CDH13: variants seen among roughly 807,000 people sequenced by gnomAD.
CDH13 encodes cadherin-13.
CDH13 carries 24 observed loss-of-function variants against 63.8 expected under a neutral mutation model. That is an observed-to-expected ratio of 0.38 (90% CI 0.27 to 0.53). The LOEUF is 0.53. Among genes scored for constraint, CDH13 ranks in the 20% least tolerant of loss-of-function variants. CDH13 has a pLI of 0.85. For missense variants in CDH13, 1,049 were observed against 903.1 expected, an observed-to-expected ratio of 1.16 and a Z score of -2.07; for synonymous variants, 503 against 355.3, an observed-to-expected ratio of 1.42 and a Z score of -4.67.
At chr16:82,855,390 T>C (rs540066253) in intron 1 of CDH13, among the ~76,000 whole-genome samples, 2 of 152,210 alleles carry the variant, frequency 1.3e-5, no homozygotes, top group Non-Finnish European at 2.9e-5. Flanking sequence ...CCTTCTTTAC[T>C]TCCTACAGGA....
At chr16:82,990,046 C>G (rs1911463622) in intron 2 of CDH13, 1 of 152,128 alleles carries the variant, frequency 6.6e-6, no homozygotes, top group Non-Finnish European at 1.5e-5. Context: ...TTCAGCCCTG[C>G]AGTGAACTAT....
intron 4 of CDH13, among the ~76,000 whole-genome samples, chr16:83,144,837 C>T (rs551082464): frequency 2.6e-5 from 4 of 152,314 alleles, no homozygotes; most frequent in East Asian, 3.9e-4. Context: ...TTTGCAAAAG[C>T]GTTCATGGAA....
intron 7 of CDH13, among the ~76,000 whole-genome samples, chr16:83,560,856 T>C (rs1010197329): frequency 8.6e-5 from 13 of 151,178 alleles, no homozygotes; most frequent in African/African-American, 2.9e-4. Context: ...TCTGGCCCAG[T>C]AAGCCATGGT....
At chr16:83,602,081 TCAAAAAAAAAAAAAAAGAACAA>T (rs1907853319) in intron 7 of CDH13, among the ~76,000 whole-genome samples, 1 of 7,860 alleles carries the variant, frequency 1.3e-4, no homozygotes, top group South Asian at 0.01. Context: ...AGACTCTGTC[TCAAAAAAAAAAAAAAAGAACAA>T]CAACAAAAAA....
intron 5 of CDH13, among the ~76,000 whole-genome samples, chr16:83,290,165 G>C (rs2089431324): frequency 6.6e-6 from 1 of 152,120 alleles, no homozygotes; most frequent in South Asian, 2.1e-4. Flanking sequence ...TCTCCTCCTT[G>C]CTGCTGTGCA....
intron 5 of CDH13, among the ~76,000 whole-genome samples, chr16:83,272,982 T>C (rs1366574881): frequency 6.6e-6 from 1 of 151,678 alleles, no homozygotes; most frequent in Admixed American, 6.6e-5. Context: ...CACAATCTGC[T>C]CAGATAACCC....
At chr16:82,684,729 A>G (rs557543995) in intron 1 of CDH13, among the ~76,000 whole-genome samples, 1 of 152,154 alleles carries the variant, frequency 6.6e-6, no homozygotes, top group Non-Finnish European at 1.5e-5. Flanking sequence ...TGGCATAAAC[A>G]GGTCAGGTAC....
chr16:82,679,769 C>T lies in CDH13; in HGVS notation c.45+52632C>T, dbSNP rs75743229. On this transcript the variant is annotated intron_variant, in intron 1 of 13. Coordinates refer to ENST00000567109, the MANE Select transcript of CDH13 (RefSeq NM_001257.5). ...ACAATGAGAATGTGTTCATCTGTTA[C>T]CTGTGTAACTGAACATAATAATACT... Among the ~76,000 whole-genome samples, 3,376 of 152,256 alleles carry T rather than the reference C, an allele frequency of 0.022. 187 individuals carry two copies. The East Asian group carries it at 0.22, about 10-fold the overall frequency.
chr16:82,698,814 C>T (rs1048733380), intron 1 of CDH13, among the ~76,000 whole-genome samples: 3 of 152,174 alleles, frequency 2.0e-5, no homozygotes, highest in Non-Finnish European at 4.4e-5. Context: ...AAGAAGGGTT[C>T]ACACACATTG....
chr16:82,866,865 G>C (rs2040167350), intron 2 of CDH13, among the ~76,000 whole-genome samples: 1 of 152,158 alleles, frequency 6.6e-6, no homozygotes, highest in Non-Finnish European at 1.5e-5. Flanking sequence ...GAGCAGCATA[G>C]AGGAAACCAC....
chr16:83,429,367 T>C (rs2072018379), intron 6 of CDH13, among the ~76,000 whole-genome samples: 1 of 152,186 alleles, frequency 6.6e-6, no homozygotes, highest in Non-Finnish European at 1.5e-5. Flanking sequence ...TGGAAACCTC[T>C]CCTTTGATGA....
chr16:82,839,777 C>G (rs1241528062), intron 1 of CDH13, among the ~76,000 whole-genome samples: 2 of 152,208 alleles, frequency 1.3e-5, no homozygotes, highest in East Asian at 1.9e-4. Flanking sequence ...TGTAGAGGCT[C>G]TTCACATTAT....
chr16:82,847,113 T>A (rs1486348920), intron 1 of CDH13, among the ~76,000 whole-genome samples: 1 of 152,108 alleles, frequency 6.6e-6, no homozygotes, highest in Non-Finnish European at 1.5e-5. Context: ...TCTTCATTGG[T>A]TTTCCCAAAT....
At chr16:83,616,061 T>A (rs1909256775) in intron 8 of CDH13, among the ~76,000 whole-genome samples, 1 of 152,098 alleles carries the variant, frequency 6.6e-6, no homozygotes, top group Non-Finnish European at 1.5e-5. Flanking sequence ...GAAACGTTTG[T>A]ACAAATATAA....
intron 9 of CDH13, among the ~76,000 whole-genome samples, chr16:83,677,146 G>C (rs910671060): frequency 1.3e-5 from 2 of 152,226 alleles, no homozygotes; most frequent in African/African-American, 2.4e-5. Flanking sequence ...ACCGCTGACA[G>C]AGACCCACTC....
At chr16:83,558,464 C>A (rs557308981) in intron 7 of CDH13, among the ~76,000 whole-genome samples, 1 of 152,220 alleles carries the variant, frequency 6.6e-6, no homozygotes, top group Non-Finnish European at 1.5e-5. Context: ...GGTAGTATCA[C>A]TGGTGCCTTA....
At chr16:83,626,354 TG>T (rs1430603730) in intron 8 of CDH13, among the ~76,000 whole-genome samples, 1 of 152,196 alleles carries the variant, frequency 6.6e-6, no homozygotes, top group East Asian at 1.9e-4. Context: ...GTGAATAACA[TG>T]ATTGGCGTTG....
chr16:83,695,692 C>G (rs1279514623), intron 10 of CDH13, among the ~76,000 whole-genome samples: 2 of 152,106 alleles, frequency 1.3e-5, no homozygotes, highest in Non-Finnish European at 2.9e-5. Context: ...AAGGATAAAA[C>G]ATAATGAAAT....
intron 7 of CDH13, among the ~76,000 whole-genome samples, chr16:83,567,294 C>A (rs1178967409): frequency 6.6e-6 from 1 of 152,182 alleles, no homozygotes; most frequent in Admixed American, 6.5e-5. Flanking sequence ...ATCAATCTAA[C>A]TTTGTATTCC....
Sources: gnomAD v4.1 joint callset for allele counts (sites outside exome capture counted in the v4.1 genomes callset) on GRCh38, gnomAD v4.1.1 for gene constraint, MANE v1.5 for transcripts, NCBI Gene and HGNC (gene_info 2026-07-23, HGNC 2026-07-21) for gene names.